The following HSPA12B variants were observed in gnomAD, a reference collection of about 807,000 sequenced individuals.
HSPA12B encodes the protein heat shock 70 kDa protein 12B.
In HSPA12B, 54 loss-of-function variants were observed where a neutral mutation model predicts 69.3. The ratio of observed to expected loss-of-function variants is 0.78; its 90% CI spans 0.63 to 0.98. The LOEUF is 0.98. Among genes scored for constraint, HSPA12B ranks in the 50% least tolerant of loss-of-function variants. HSPA12B has a pLI of 0.00. For synonymous variants in HSPA12B, 441 were observed against 436.5 expected (o/e 1.01, Z -0.13); for missense variants, 929 against 999.8 (o/e 0.93, Z 0.96).
intron 2 of HSPA12B, among the ~76,000 whole-genome samples, chr20:3,739,157 CG>C (rs1568472075): frequency 6.6e-6 from 1 of 151,478 alleles, no homozygotes. Flanking sequence ...GATCTGTGTA[CG>C]GGAGTATAGT....
Position 3,752,184 on chromosome 20 carries a change from G to A in HSPA12B, c.*18G>A. 6.9e-7 allele frequency: 1 copy of A among 1,454,226 alleles called. No homozygotes were observed. The highest frequency in any genetic ancestry group is 9.0e-7 in the Non-Finnish European group (1 of 1,111,236). The allele number at this position is 1,454,226 out of a possible 1,614,324, so 90.1% of individuals were successfully genotyped here. A position where few individuals can be genotyped will look rare whatever the true frequency, so the allele number is the denominator to read the frequency against. ...CCAACTGAGGGCGCGCCGGCGCGGT[G>A]CCAGCGCCGTCTGCCCGGCCCCGCC... On this transcript the variant is annotated 3_prime_UTR_variant, in exon 13 of 13. Coordinates refer to ENST00000254963, the MANE Select transcript of HSPA12B (RefSeq NM_052970.5).
rs372495435 is a variant in HSPA12B at position 3,739,390 on chromosome 20, A to G, written c.43+673A>G. On this transcript the variant is annotated intron_variant, in intron 2 of 12. Transcript: ENST00000254963. Reference sequence around the variant, plus strand: ...CGCATGCAGAGAGTTCTGCGTGTGCATGTGCGTCTGGCCATAGCCTGGTCT... The same window carrying G: ...CGCATGCAGAGAGTTCTGCGTGTGCGTGTGCGTCTGGCCATAGCCTGGTCT... Among the ~76,000 whole-genome samples the G allele has an allele frequency of 2.1e-4, 32 of 152,346 alleles. No individual in the cohort carries two copies. The East Asian group carries it at 5.6e-3, about 27-fold the overall frequency.
chr20:3,751,951 G>T lies in HSPA12B; in HGVS notation c.1846G>T (p.Ala616Ser). Residue 616 changes from alanine (A) to serine (S), a missense_variant, in exon 13 of 13, where the codon GCG becomes TCG. Ala to Ser is a moderately conservative substitution (Grantham distance 99, BLOSUM62 1). This residue lies in a region of HSPA12B where 448 missense variants were observed against 448.1 expected (regional missense o/e 1.00). Coordinates refer to ENST00000254963, the MANE Select transcript of HSPA12B (RefSeq NM_052970.5). Reference sequence around the variant, plus strand: ...CCTGTACTGCTGCGCGGCAGAGGATGCGCGCTTCATCACCGACCCCGGCGT... The same window carrying T: ...CCTGTACTGCTGCGCGGCAGAGGATTCGCGCTTCATCACCGACCCCGGCGT... ...INLYCCAAED[A>S]RFITDPGVRK... 1 of 1,584,310 alleles carries T rather than the reference G, an allele frequency of 6.3e-7. No individual in the cohort carries two copies. The highest frequency in any genetic ancestry group is 8.5e-7 in the Non-Finnish European group (1 of 1,170,248).
Position 3,742,396 on chromosome 20 carries a change from T to C in HSPA12B, c.254T>C (p.Ile85Thr). ...AGCTTTGCCAGTGACCCTGAGGCCA[T>C]CCACATGATGAGGTGAGGTCGGCTG... is the stretch of plus-strand genomic sequence containing the variant. ...AFSFASDPEAIHMMRKWEGGD... is the reference protein window; with the variant it reads ...AFSFASDPEATHMMRKWEGGD... Residue 85 changes from isoleucine (I) to threonine (T), a missense_variant, in exon 4 of 13, where the codon ATC (isoleucine) becomes ACC (threonine). Transcript: ENST00000254963. 6.2e-7 allele frequency: 1 copy of C among 1,611,566 alleles called. No homozygotes were observed. The highest frequency in any genetic ancestry group is 8.5e-7 in the Non-Finnish European group (1 of 1,178,010).
Position 3,745,457 on chromosome 20 carries a change from G to C in HSPA12B, c.454-36G>C. 6.8e-7 allele frequency: 1 copy of C among 1,479,320 alleles called. No individual in the cohort carries two copies. The highest frequency in any genetic ancestry group is 9.5e-7 in the Non-Finnish European group (1 of 1,057,234). The allele number at this position is 1,479,320 out of a possible 1,614,324, so 91.6% of individuals were successfully genotyped here. On this transcript the variant is annotated intron_variant, in intron 5 of 12. Coordinates refer to ENST00000254963, the MANE Select transcript of HSPA12B (RefSeq NM_052970.5). This position sits in a 1 kb window ranked among gnomAD's most constrained non-coding sequence, Gnocchi z 5.6. Reference sequence around the variant, plus strand: ...GTCGTCAGGAAATGAGTGCCAAGCTGAGGCCTCCTGCAGAGCCGCCCTGTG... The same window carrying C: ...GTCGTCAGGAAATGAGTGCCAAGCTCAGGCCTCCTGCAGAGCCGCCCTGTG...
Position 3,750,851 on chromosome 20 carries a change from G to C in HSPA12B, c.1349G>C (p.Cys450Ser). 6.2e-7 allele frequency: 1 copy of C among 1,613,990 alleles called. No individual in the cohort carries two copies. ...TCACAGGGGATGCTCCGAATGTCTT[G>C]TGAAGCCATGAACGAGCTCTTTCAG... ...WSSQGMLRMS[C>S]EAMNELFQPT... Residue 450 changes from cysteine to serine, a missense_variant, in exon 12 of 13, where the codon TGT (cysteine) becomes TCT (serine). This residue lies in a region of HSPA12B where 448 missense variants were observed against 448.1 expected (regional missense o/e 1.00). Transcript: ENST00000254963.
chr20:3,750,205 G>A lies in HSPA12B; in HGVS notation c.1279G>A (p.Glu427Lys), dbSNP rs2088389452. The part of the protein sequence containing the change: ...FYRKQRGHNV[E>K]TALRRSSVNF... ...CCGCAAGCAGCGGGGCCACAACGTG[G>A]AGACCGCTCTGCGCAGGAGCAGGTG... The change falls in exon 11 of 13, where the codon GAG becomes AAG. Residue 427 changes from glutamate (E) to lysine (K), a missense_variant. This residue lies in a region of HSPA12B where 448 missense variants were observed against 448.1 expected (regional missense o/e 1.00). Coordinates refer to ENST00000254963, the MANE Select transcript of HSPA12B (RefSeq NM_052970.5). 6.2e-7 allele frequency: 1 copy of A among 1,607,324 alleles called. No homozygotes were observed. Among genetic ancestry groups the A allele is most frequent in the Admixed American group, 1.7e-5 (1 of 59,750 alleles).
rs144840007 is a variant in HSPA12B at position 3,750,122 on chromosome 20, G to T, written c.1196G>T (p.Gly399Val). ...TTCGAGGCTCGCAAGCGCACTGCTG[G>T]CCCACACCGTGCAGGGGCGCTCAAC... ...IAFEARKRTA[G>V]PHRAGALNIS... The change falls in exon 11 of 13, where the codon GGC (glycine) becomes GTC (valine). Residue 399 changes from glycine to valine, a missense_variant. Physicochemically the swap from Gly to Val is moderately radical, Grantham distance 109. Around this residue, in one of 3 missense-constraint regions of HSPA12B, gnomAD observed 448 missense variants for 448.1 expected, o/e 1.00. Coordinates refer to ENST00000254963, the MANE Select transcript of HSPA12B (RefSeq NM_052970.5). 766 of 1,612,242 alleles carry T rather than the reference G, an allele frequency of 4.8e-4. No individual in the cohort carries two copies. The highest frequency in any genetic ancestry group is 6.3e-4 in the Non-Finnish European group (742 of 1,179,670).
chr20:3,739,343 G>A (rs934041469), intron 2 of HSPA12B, among the ~76,000 whole-genome samples: 8 of 152,246 alleles, frequency 5.3e-5, no homozygotes, highest in Admixed American at 2.0e-4. Flanking sequence ...CTGTGTACGG[G>A]AGTATAGTCT....
rs1432779133 is a variant in HSPA12B, at chr20:3,750,089, C to T, written c.1163C>T (p.Thr388Ile). 2 of 1,612,114 alleles carry T rather than the reference C, an allele frequency of 1.2e-6. No individual in the cohort carries two copies. Among genetic ancestry groups the T allele is most frequent in the Admixed American group, 1.7e-5 (1 of 59,906 alleles). ...CGGCCGGCAGCCTGGGTAGATCTGA[C>T]CATCGCCTTCGAGGCTCGCAAGCGC... is the stretch of plus-strand genomic sequence containing the variant. ...RQRPAAWVDL[T>I]IAFEARKRTA... is the part of the protein sequence containing the mutation. Residue 388 changes from threonine (T) to isoleucine (I), a missense_variant, in exon 11 of 13, where the codon ACC becomes ATC. By Grantham distance (89) the Thr-to-Ile change is moderately conservative (BLOSUM62 -1). Transcript: ENST00000254963.
At chr20:3,747,690 T>C (rs2088330835) in intron 7 of HSPA12B, among the ~76,000 whole-genome samples, 1 of 152,246 alleles carries the variant, frequency 6.6e-6, no homozygotes, top group Non-Finnish European at 1.5e-5. Flanking sequence ...CTGTATCAGA[T>C]TCCCTGGGAA....
chr20:3,749,955 C>A lies in HSPA12B; in HGVS notation c.1043-14C>A. 1 of 1,554,046 alleles carries A rather than the reference C, an allele frequency of 6.4e-7. No individual in the cohort carries two copies. ...CGAGCGCTGACGCCCTCTTCGCCCC[C>A]TGCTCCACCCCAGGGGGCCCTTATG... On this transcript the variant is annotated splice_polypyrimidine_tract_variant and intron_variant, in intron 10 of 12. Coordinates refer to ENST00000254963, the MANE Select transcript of HSPA12B (RefSeq NM_052970.5). This position sits in a 1 kb window ranked among gnomAD's most constrained non-coding sequence, Gnocchi z 5.5.
intron 1 of HSPA12B, among the ~76,000 whole-genome samples, chr20:3,733,730 T>G (rs2088066218): frequency 6.6e-6 from 1 of 152,188 alleles, no homozygotes; most frequent in Admixed American, 6.5e-5. Context: ...GTTGGCCCAG[T>G]CTGTGGCTTG....
At chr20:3,746,372 G>A (rs574139076) in intron 7 of HSPA12B, among the ~76,000 whole-genome samples, 3 of 127,004 alleles carry the variant, frequency 2.4e-5, no homozygotes, top group South Asian at 2.6e-4. Flanking sequence ...GCGTGATCTC[G>A]GCTCACTGCA....
chr20:3,750,048 C>T lies in HSPA12B; in HGVS notation c.1122C>T (p.Ala374=). The T allele has an allele frequency of 6.2e-7, 1 of 1,609,212 alleles. No homozygotes were observed. The highest frequency in any genetic ancestry group is 8.5e-7 in the Non-Finnish European group (1 of 1,178,364). ...LCRIFGEDFI[A]TFKRQRPAAW... is the part of the protein sequence containing the mutation. The stretch of plus-strand genomic sequence containing the variant: ...GCATCTTCGGCGAGGACTTCATCGC[C>T]ACCTTCAAAAGGCAACGGCCGGCAG... The change falls in exon 11 of 13, where the codon GCC becomes GCT. Residue 374 remains alanine, a synonymous_variant. Coordinates refer to ENST00000254963, the MANE Select transcript of HSPA12B (RefSeq NM_052970.5).
Position 3,744,850 on chromosome 20 carries a change from G to C in HSPA12B, c.267-52G>C, listed in dbSNP as rs1568475228. The C allele has an allele frequency of 6.4e-7, 1 of 1,560,332 alleles. No homozygotes were observed. Among genetic ancestry groups the C allele is most frequent in the Non-Finnish European group, 8.7e-7 (1 of 1,144,726 alleles). ...TTTGCACATGCTGTTCCCTCTGCCTGGATTCCCACCCAAGAAGGGAGGGTT... is the reference window on the plus strand; with the variant it reads ...TTTGCACATGCTGTTCCCTCTGCCTCGATTCCCACCCAAGAAGGGAGGGTT... On this transcript the variant is annotated intron_variant, in intron 4 of 12. Coordinates refer to ENST00000254963, the MANE Select transcript of HSPA12B (RefSeq NM_052970.5). This position sits in a 1 kb window ranked among gnomAD's most constrained non-coding sequence, Gnocchi z 4.9.
intron 3 of HSPA12B, 30 bp from the exon 4 acceptor site, chr20:3,742,254 G>C: frequency 6.2e-7 from 1 of 1,609,176 alleles, no homozygotes; most frequent in Non-Finnish European, 8.5e-7. Context: ...CCTGCTGGCT[G>C]CTTGCTAATT....
Position 3,751,515 on chromosome 20 carries a change from C to T in HSPA12B, c.1410C>T (p.Ala470=). 2 of 1,432,840 alleles carry T rather than the reference C, an allele frequency of 1.4e-6. No individual in the cohort carries two copies. Among genetic ancestry groups the T allele is most frequent in the Admixed American group, 2.9e-5 (1 of 34,416 alleles). The allele number at this position is 1,432,840 out of a possible 1,614,324, so 88.8% of individuals were successfully genotyped here. A position where few individuals can be genotyped will look rare whatever the true frequency, so the allele number is the denominator to read the frequency against. ...TVSGIIQHIE[A]LLARPEVQGV... ...TCCCCCCGTCCTGTCCCGCAGAGGCCCTGCTGGCACGGCCGGAGGTGCAGG... is the reference window on the plus strand; with the variant it reads ...TCCCCCCGTCCTGTCCCGCAGAGGCTCTGCTGGCACGGCCGGAGGTGCAGG... Residue 470 remains alanine (A), a synonymous_variant, in exon 13 of 13, where the codon GCC becomes GCT. Transcript: ENST00000254963.
chr20:3,740,829 C>T lies in HSPA12B; in HGVS notation c.58C>T (p.Arg20Trp), dbSNP rs560653858. The T allele has an allele frequency of 7.4e-5, 119 of 1,613,594 alleles. 1 individual carries two copies. The South Asian group carries it at 1.1e-3, about 15-fold the overall frequency. Residue 20 changes from arginine to tryptophan, a missense_variant, in exon 3 of 13, where the codon CGG (arginine) becomes TGG (tryptophan). This residue lies in a region of HSPA12B where 477 missense variants were observed against 535.2 expected (regional missense o/e 0.89). Transcript: ENST00000254963. This position sits in a 1 kb window ranked among gnomAD's most constrained non-coding sequence, Gnocchi z 4.9. ...CTTCTCTGCAGGCTCCAGCCCGGAG[C>T]GGTCCCCAGTGCCTAGCCCACCCGG... is the stretch of plus-strand genomic sequence containing the variant. ...QGLYIGSSPE[R>W]SPVPSPPGSP... is the part of the protein sequence containing the mutation.
Sources: gnomAD v4.1 joint callset for allele counts (sites outside exome capture counted in the v4.1 genomes callset) on GRCh38, gnomAD v4.1.1 for gene constraint, gnomAD v4.1.1 regional missense constraint, Gnocchi (gnomAD v3.1) non-coding constraint, MANE v1.5 for transcripts, NCBI Gene and HGNC (gene_info 2026-07-23, HGNC 2026-07-21) for gene names.